The following NAV3 variants were observed in gnomAD, a reference collection of about 807,000 sequenced individuals.
NAV3 encodes neuron navigator 3.
A neutral mutation model predicts 244.7 loss-of-function variants in NAV3; 87 were observed. That is an observed-to-expected ratio of 0.36 (90% confidence interval 0.30 to 0.42). NAV3 has a LOEUF of 0.42. Ranked by LOEUF, NAV3 falls within the 20% of genes least tolerant of loss-of-function variation. The pLI is 1.00. For missense variants in NAV3, 2,663 were observed against 2,893.3 expected (o/e 0.92, Z 1.83); for synonymous variants, 1,126 against 1,042.2 (o/e 1.08, Z -1.55).
intron 1 of NAV3, among the ~76,000 whole-genome samples, chr12:77,876,551 A>G (rs1041499784): frequency 2.6e-5 from 4 of 152,114 alleles, no homozygotes; most frequent in Non-Finnish European, 5.9e-5. Context: ...GTCACTAAGT[A>G]TGATGAATTG....
At chr12:78,192,235 T>C (rs1959014475) in intron 34 of NAV3, among the ~76,000 whole-genome samples, 1 of 152,082 alleles carries the variant, frequency 6.6e-6, no homozygotes, top group Non-Finnish European at 1.5e-5. Flanking sequence ...TATTTTTTGC[T>C]TTTTCAGAGT....
chr12:77,919,038 A>G (rs1237107962), intron 1 of NAV3, among the ~76,000 whole-genome samples: 1 of 152,104 alleles, frequency 6.6e-6, no homozygotes, highest in South Asian at 2.1e-4. Flanking sequence ...AGAATGAAGC[A>G]GAGAGCCGAT....
intron 2 of NAV3, among the ~76,000 whole-genome samples, chr12:77,691,327 G>A (rs1199625850): frequency 2.0e-4 from 2 of 10,046 alleles, no homozygotes; most frequent in Non-Finnish European, 5.3e-4. Context: ...ATAAGTATTT[G>A]TGTATGTGTG....
chr12:78,048,435 C>G (rs1024309912), intron 9 of NAV3, among the ~76,000 whole-genome samples: 2 of 152,052 alleles, frequency 1.3e-5, no homozygotes, highest in African/African-American at 2.4e-5. Flanking sequence ...TGATGCTATT[C>G]CTTTTTGTTT....
intron 2 of NAV3, among the ~76,000 whole-genome samples, chr12:77,693,125 C>T (rs1875114947): frequency 6.6e-6 from 1 of 152,082 alleles, no homozygotes; most frequent in African/African-American, 2.4e-5. Context: ...AGTGCCAGTC[C>T]ATGCAGAATC....
rs1869662456 is a variant in NAV3 at position 77,982,041 on chromosome 12, CT to C, written c.672-12761del. On this transcript the variant is annotated intron_variant, in intron 5 of 39. Coordinates refer to ENST00000397909, the MANE Select transcript of NAV3 (RefSeq NM_001024383.2). ...TAATATAGATGAAGAGTTATAAAAA[CT>C]GATGTAATGTCAAAGATTGTCTTTA... Among the ~76,000 whole-genome samples, 6 of 152,212 alleles carry C rather than the reference CT, an allele frequency of 3.9e-5. No individual in the cohort carries two copies. In the South Asian group the frequency reaches 1.2e-3, roughly 32 times the overall value.
chr12:77,598,804 AG>A (rs1314482666), intron 2 of NAV3, among the ~76,000 whole-genome samples: 1 of 151,960 alleles, frequency 6.6e-6, no homozygotes. Flanking sequence ...CACCTCTAAA[AG>A]TTTACCCATG....
intron 3 of NAV3, among the ~76,000 whole-genome samples, chr12:77,959,891 G>T (rs1210180465): frequency 1.5e-4 from 16 of 105,134 alleles, no homozygotes; most frequent in African/African-American, 5.6e-4. Context: ...CTCCAGAGTA[G>T]TATATTCCTC....
chr12:78,027,669 T>A (rs1878296116), intron 9 of NAV3, among the ~76,000 whole-genome samples: 3 of 152,270 alleles, frequency 2.0e-5, no homozygotes, highest in South Asian at 2.1e-4. Context: ...GAAAAAATAG[T>A]CTGTCAGCCC....
intron 9 of NAV3, among the ~76,000 whole-genome samples, chr12:78,023,968 C>T (rs1353209467): frequency 6.6e-6 from 1 of 152,030 alleles, no homozygotes; most frequent in African/African-American, 2.4e-5. Flanking sequence ...ATCTAGGCAC[C>T]ATCAGAAACT....
chr12:77,805,379 A>G (rs7967041), intron 2 of NAV3, among the ~76,000 whole-genome samples: 39,331 of 151,832 alleles, frequency 0.26, 5,977 homozygotes, highest in East Asian at 0.39. Flanking sequence ...AGCATGAAGG[A>G]GTGTTGAATT....
At chr12:77,706,874 AAAAAAAAAAAAAAAAAAAACC>A (rs1875835582) in intron 2 of NAV3, among the ~76,000 whole-genome samples, 2 of 140,996 alleles carry the variant, frequency 1.4e-5, no homozygotes, top group South Asian at 2.2e-4. Context: ...CTGTTTCAAA[AAAAAAAAAAAAAAAAAAAACC>A]AAAAAAAAAA....
intron 2 of NAV3, among the ~76,000 whole-genome samples, chr12:77,616,914 A>G (rs1326487451): frequency 6.6e-6 from 1 of 152,146 alleles, no homozygotes; most frequent in East Asian, 1.9e-4. Context: ...GACTTGAATT[A>G]CTGATTATTT....
intron 2 of NAV3, among the ~76,000 whole-genome samples, chr12:77,738,995 G>A (rs1021769310): frequency 1.1e-4 from 13 of 113,218 alleles, no homozygotes; most frequent in African/African-American, 4.1e-4. Context: ...ATGGGCGACA[G>A]AGCGAGACTC....
chr12:78,210,370 T>C, intron 39 of NAV3, 28 bp from the exon 40 acceptor site: 3 of 1,613,050 alleles, frequency 1.9e-6, no homozygotes, highest in Non-Finnish European at 2.5e-6. Flanking sequence ...CATCATTGCC[T>C]ACATCGATGT....
At chr12:78,177,506 A>G (rs1471812387) in intron 27 of NAV3, 114 bp from the exon 28 acceptor site, 2 of 1,167,514 alleles carry the variant, frequency 1.7e-6, no homozygotes, top group Non-Finnish European at 2.4e-6. Context: ...TTTCATTTTC[A>G]TATGTTAGAA....
At position 78,198,662 on chromosome 12, in the gene NAV3, G is replaced by A; in HGVS notation, c.6504G>A (p.Leu2168=). The A allele has an allele frequency of 6.9e-7, 1 of 1,446,080 alleles. No homozygotes were observed. The highest frequency in any genetic ancestry group is 9.3e-7 in the Non-Finnish European group (1 of 1,078,196). 89.6% of individuals were successfully genotyped at this position (1,446,080 alleles called of 1,614,324 possible). Residue 2168 remains leucine, a synonymous_variant, in exon 36 of 40, where the codon CTG becomes CTA. Coordinates refer to ENST00000397909, the MANE Select transcript of NAV3 (RefSeq NM_001024383.2). ...QGVSSSPNLE[L]HHNFRWVLCA... ...TTTCTTCATCACCAAATCTAGAGCT[G>A]CATCACAATTTCAGGTAAAGTTAAG... is the stretch of plus-strand genomic sequence containing the variant.
intron 4 of NAV3, among the ~76,000 whole-genome samples, chr12:77,967,388 A>C (rs1469423252): frequency 6.6e-6 from 1 of 152,156 alleles, no homozygotes; most frequent in Admixed American, 6.5e-5. Flanking sequence ...CAGATTGATG[A>C]AGCCAACTCT....
intron 2 of NAV3, among the ~76,000 whole-genome samples, chr12:77,789,805 C>T (rs144718108): frequency 8.5e-4 from 103 of 120,756 alleles, no homozygotes; most frequent in African/African-American, 3.3e-3. Context: ...AGCAAAACTT[C>T]GTCTCGAAAA....
Sources: gnomAD v4.1 joint callset for allele counts (sites outside exome capture counted in the v4.1 genomes callset) on GRCh38, gnomAD v4.1.1 for gene constraint, MANE v1.5 for transcripts, NCBI Gene and HGNC (gene_info 2026-07-23, HGNC 2026-07-21) for gene names.